Variants in DIAPH2 observed in about 807,000 individuals in gnomAD.
The protein encoded by DIAPH2 is protein diaphanous homolog 2.
A neutral mutation model predicts 92.7 loss-of-function variants in DIAPH2; 35 were observed. The ratio of observed to expected loss-of-function variants is 0.38; its 90% CI spans 0.29 to 0.50. The LOEUF is 0.50. Among genes scored for constraint, DIAPH2 ranks in the 20% least tolerant of loss-of-function variants. The probability of loss-of-function intolerance (pLI) is 0.94; values close to 1 mark genes in which losing one functional copy is unlikely to be tolerated. For missense variants in DIAPH2, 701 were observed against 819.5 expected, an observed-to-expected ratio of 0.86 and a Z score of 1.77; for synonymous variants, 301 against 280.4, an observed-to-expected ratio of 1.07 and a Z score of -0.73.
At chrX:96,794,136 T>C (rs2064521336) in intron 4 of DIAPH2, among the ~76,000 whole-genome samples, 1 of 111,597 alleles carries the variant, frequency 9.0e-6, no homozygotes, top group Non-Finnish European at 1.9e-5. Context: ...TACAACCTTC[T>C]TACCTGACAA....
rs372397248 is a variant in DIAPH2 at position 97,155,151 on chromosome X, G to A, written c.2719+13357G>A. On this transcript the variant is annotated intron_variant, in intron 22 of 26. Coordinates refer to ENST00000324765, the MANE Select transcript of DIAPH2 (RefSeq NM_006729.5). ...TGAGATGCTTATGTATTAATTATTT[G>A]CTTCTCTATATAAATTATTGATTAT... is the stretch of plus-strand genomic sequence containing the variant. 4.5e-5 allele frequency among the ~76,000 whole-genome samples: 5 copies of A among 112,014 alleles called. No homozygotes were observed. In the East Asian group the frequency reaches 1.4e-3, roughly 31 times the overall value.
chrX:97,390,956 T>C (rs2069653406), intron 25 of DIAPH2, among the ~76,000 whole-genome samples: 1 of 112,065 alleles, frequency 8.9e-6, no homozygotes, highest in Admixed American at 9.5e-5. Flanking sequence ...TATTTACGTA[T>C]CAGTCAAATA....
intron 3 of DIAPH2, among the ~76,000 whole-genome samples, chrX:96,741,012 C>T (rs1279922939): frequency 9.1e-6 from 1 of 109,897 alleles, no homozygotes; most frequent in African/African-American, 3.3e-5. Flanking sequence ...AGAGAACTTC[C>T]ACAGGCTCCC....
chrX:97,149,840 G>C (rs10126960), intron 22 of DIAPH2, among the ~76,000 whole-genome samples: 2 of 107,315 alleles, frequency 1.9e-5, no homozygotes, highest in Non-Finnish European at 3.8e-5. Context: ...TTAGGGGAAC[G>C]TTGTTAAATG....
chrX:96,928,760 TCTC>T (rs946038519), intron 9 of DIAPH2, among the ~76,000 whole-genome samples: 1 of 111,440 alleles, frequency 9.0e-6, no homozygotes, highest in African/African-American at 3.2e-5. Context: ...CTTCACAATA[TCTC>T]CTAATTGTTG....
chrX:97,242,221 A>G (rs1010210630), intron 22 of DIAPH2, among the ~76,000 whole-genome samples: 2 of 110,889 alleles, frequency 1.8e-5, no homozygotes, highest in Non-Finnish European at 3.8e-5. Flanking sequence ...CTCCTTTGCC[A>G]TCTCCCACCT....
At chrX:97,290,074 AAT>A (rs374540988) in intron 23 of DIAPH2, among the ~76,000 whole-genome samples, 84 of 95,081 alleles carry the variant, frequency 8.8e-4, no homozygotes, top group African/African-American at 2.6e-3. Flanking sequence ...CAGTAATTTA[AAT>A]ATATATATAT....
At chrX:96,867,417 A>C (rs753940853) in intron 4 of DIAPH2, among the ~76,000 whole-genome samples, 2 of 110,887 alleles carry the variant, frequency 1.8e-5, no homozygotes, top group South Asian at 7.7e-4. Flanking sequence ...ACAGGGTTTT[A>C]CCACGTTGGC....
At chrX:97,199,199 T>A (rs2067727652) in intron 22 of DIAPH2, among the ~76,000 whole-genome samples, 1 of 101,141 alleles carries the variant, frequency 9.9e-6, no homozygotes, top group East Asian at 3.0e-4. Context: ...TAAGGTGGTT[T>A]TTTTGAGGAT....
chrX:97,533,212 C>T (rs1212656639), intron 26 of DIAPH2: 1 of 111,138 alleles, frequency 9.0e-6, no homozygotes, highest in African/African-American at 3.3e-5. Context: ...TTGTAGGTAA[C>T]AATAGCAAAG....
intron 3 of DIAPH2, among the ~76,000 whole-genome samples, chrX:96,742,631 G>A (rs1280681223): frequency 1.8e-5 from 2 of 109,479 alleles, no homozygotes; most frequent in Non-Finnish European, 3.8e-5. Flanking sequence ...TTATTTTATT[G>A]TAGCTCTAAG....
intron 17 of DIAPH2, among the ~76,000 whole-genome samples, chrX:96,973,883 C>T (rs756090133): frequency 2.8e-4 from 31 of 109,833 alleles, no homozygotes; most frequent in African/African-American, 6.0e-4. Flanking sequence ...TTAGTAGAGA[C>T]GGGGTTTCTC....
chrX:96,938,729 AT>A (rs1007099155), intron 11 of DIAPH2, among the ~76,000 whole-genome samples: 4 of 111,900 alleles, frequency 3.6e-5, no homozygotes, highest in African/African-American at 1.3e-4. Flanking sequence ...TCTACTTTCC[AT>A]TTTTTATCAA....
intron 23 of DIAPH2, among the ~76,000 whole-genome samples, chrX:97,290,706 A>C (rs1341521645): frequency 1.8e-5 from 2 of 112,021 alleles, no homozygotes; most frequent in Non-Finnish European, 3.8e-5. Context: ...AGGTCATTGT[A>C]AAGATTGTTC....
At chrX:96,872,788 C>G (rs1223772924) in intron 4 of DIAPH2, among the ~76,000 whole-genome samples, 1 of 111,237 alleles carries the variant, frequency 9.0e-6, no homozygotes, top group Non-Finnish European at 1.9e-5. Flanking sequence ...GCCACCACGC[C>G]TGGCCCCTGT....
intron 26 of DIAPH2, among the ~76,000 whole-genome samples, chrX:97,589,017 A>ATATATATATATATATATG (rs2071498187): frequency 1.3e-5 from 1 of 79,178 alleles, no homozygotes; most frequent in Non-Finnish European, 2.5e-5. Flanking sequence ...ATATATATAT[A>ATATATATATATATATATG]TATATATATA....
At chrX:97,298,898 G>C (rs1003231501) in intron 23 of DIAPH2, among the ~76,000 whole-genome samples, 19 of 111,516 alleles carry the variant, frequency 1.7e-4, no homozygotes, top group Admixed American at 8.6e-4. Context: ...GATTACAGGC[G>C]TGAGCCACCG....
chrX:97,135,124 G>T (rs1472660247), intron 21 of DIAPH2, among the ~76,000 whole-genome samples: 1 of 111,830 alleles, frequency 8.9e-6, no homozygotes, highest in Non-Finnish European at 1.9e-5. Flanking sequence ...ATATATTGTG[G>T]AATAAGTGCT....
At chrX:97,588,778 T>A in intron 26 of DIAPH2, among the ~76,000 whole-genome samples, 1 of 107,899 alleles carries the variant, frequency 9.3e-6, no homozygotes. Flanking sequence ...GGCACCTGTT[T>A]TATATCCTTT....
Sources: allele counts gnomAD v4.1 joint callset (sites outside exome capture counted in the v4.1 genomes callset), GRCh38; gene constraint gnomAD v4.1.1; transcripts MANE v1.5; gene names NCBI Gene and HGNC (gene_info 2026-07-23, HGNC 2026-07-21).